The following UNC79 variants were observed in gnomAD, a reference collection of about 807,000 sequenced individuals.
UNC79 encodes the protein protein unc-79 homolog.
UNC79 carries 37 observed loss-of-function variants against 283.1 expected under a neutral mutation model. That is an observed-to-expected ratio of 0.13 (90% confidence interval 0.10 to 0.17). The LOEUF (loss-of-function observed/expected upper bound fraction) is 0.17. Ranked by LOEUF, UNC79 falls within the 10% of genes least tolerant of loss-of-function variation. The pLI, the probability that UNC79 is intolerant of heterozygous loss-of-function variation, is 1.00. For synonymous variants in UNC79, 1,107 were observed against 1,200.2 expected (o/e 0.92, Z 1.61); for missense variants, 2,272 against 3,211.1 (o/e 0.71, Z 7.07).
intron 22 of UNC79, among the ~76,000 whole-genome samples, chr14:93,592,268 G>T (rs1197964488): frequency 6.8e-6 from 1 of 146,364 alleles, no homozygotes; most frequent in Non-Finnish European, 1.5e-5. Flanking sequence ...TCTGCCTCCC[G>T]GGTTCACGCC....
intron 25 of UNC79, among the ~76,000 whole-genome samples, 155 bp downstream of exon 25, chr14:93,600,925 A>T (rs922846606): frequency 2.0e-5 from 3 of 152,212 alleles, no homozygotes; most frequent in Admixed American, 2.0e-4. Flanking sequence ...TAGCTGCTGT[A>T]GTAATCCATA....
At position 93,446,803 on chromosome 14, in the gene UNC79, A is replaced by G. The variant is rs967089477; in HGVS notation, c.22+15752A>G. ...AGAGAATATATTCTGTATGCTTTCA[A>G]TCTTTTGACATTTATTAAGACTTGT... On this transcript the variant is annotated intron_variant, in intron 1 of 48. Coordinates refer to ENST00000555664, the Ensembl canonical transcript of UNC79. 2.6e-5 allele frequency among the ~76,000 whole-genome samples: 4 copies of G among 152,298 alleles called. No individual in the cohort carries two copies. The East Asian group carries it at 5.8e-4, about 22-fold the overall frequency.
At chr14:93,459,727 G>T (rs919473537) in intron 1 of UNC79, among the ~76,000 whole-genome samples, 1 of 116,392 alleles carries the variant, frequency 8.6e-6, no homozygotes, top group Admixed American at 9.0e-5. Flanking sequence ...CTGGACTGCA[G>T]TGGCGCTATC....
chr14:93,415,176 T>A (rs1007304228), intron 1 of UNC79, among the ~76,000 whole-genome samples: 4 of 152,230 alleles, frequency 2.6e-5, no homozygotes, highest in African/African-American at 9.7e-5. Flanking sequence ...TTAGCTCTTA[T>A]TATTTTGAGA....
At chr14:93,643,732 G>T in intron 34 of UNC79, 35 bp downstream of exon 37, 1 of 1,608,982 alleles carries the variant, frequency 6.2e-7, no homozygotes, top group South Asian at 1.1e-5. Flanking sequence ...TGGTAGGAAG[G>T]TCCTTTATTC....
At chr14:93,402,255 T>C (rs530886435) in intron 1 of UNC79, among the ~76,000 whole-genome samples, 1 of 122,950 alleles carries the variant, frequency 8.1e-6, no homozygotes, top group Admixed American at 1.1e-4. Flanking sequence ...CCAGCCTGAG[T>C]GACAGAGTGA....
chr14:93,508,734 C>A (rs1025116128), intron 7 of UNC79, among the ~76,000 whole-genome samples: 1 of 152,018 alleles, frequency 6.6e-6, no homozygotes, highest in African/African-American at 2.4e-5. Flanking sequence ...GATCTTTTAT[C>A]TCATGAGTTT....
intron 1 of UNC79, among the ~76,000 whole-genome samples, chr14:93,357,701 A>ATGGATG (rs1189482814): frequency 7.5e-5 from 9 of 120,422 alleles, no homozygotes; most frequent in African/African-American, 1.9e-4. Flanking sequence ...ATATATATAT[A>ATGGATG]TATATATATA....
chr14:93,575,487 G>A (rs2063422169), intron 17 of UNC79, among the ~76,000 whole-genome samples: 1 of 152,150 alleles, frequency 6.6e-6, no homozygotes, highest in African/African-American at 2.4e-5. Flanking sequence ...GTCTCCTGGT[G>A]AATAAGAATT....
At position 93,531,916 on chromosome 14, in the gene UNC79, T is replaced by C. The variant is rs1476544436; in HGVS notation, c.1094-634T>C. Among the ~76,000 whole-genome samples the C allele has an allele frequency of 6.6e-6, 1 of 152,204 alleles. No homozygotes were observed. Among genetic ancestry groups the C allele is most frequent in the Admixed American group, 6.5e-5 (1 of 15,278 alleles). On this transcript the variant is annotated intron_variant, in intron 10 of 48. Coordinates refer to ENST00000555664, the Ensembl canonical transcript of UNC79. This position sits in a 1 kb window ranked among gnomAD's most constrained non-coding sequence, Gnocchi z 4.2. ...AAATAAGATTAAATTTGTTTGGCTTTAACAAGATTTGATTTCTAAGTCATG... is the reference window on the plus strand; with the variant it reads ...AAATAAGATTAAATTTGTTTGGCTTCAACAAGATTTGATTTCTAAGTCATG...
At chr14:93,515,280 G>A (rs998527440) in intron 7 of UNC79, among the ~76,000 whole-genome samples, 1 of 151,850 alleles carries the variant, frequency 6.6e-6, no homozygotes, top group African/African-American at 2.4e-5. Flanking sequence ...GTGTGTGTGT[G>A]TGTGTGTGTG....
chr14:93,396,684 T>C (rs2055004445), intron 1 of UNC79, among the ~76,000 whole-genome samples: 1 of 152,032 alleles, frequency 6.6e-6, no homozygotes, highest in South Asian at 2.1e-4. Flanking sequence ...CTCTGCTTGG[T>C]TAGCTTAGTG....
At chr14:93,366,456 C>G (rs747869574) in intron 1 of UNC79, among the ~76,000 whole-genome samples, 1 of 151,976 alleles carries the variant, frequency 6.6e-6, no homozygotes, top group Non-Finnish European at 1.5e-5. Context: ...TCAAGTCTTG[C>G]TAAGCTTTTA....
At chr14:93,664,336 G>A (rs1290789282) in intron 40 of UNC79, among the ~76,000 whole-genome samples, 3 of 152,160 alleles carry the variant, frequency 2.0e-5, no homozygotes, top group African/African-American at 7.2e-5. Context: ...TAATAAAGGT[G>A]ATTTTTAATG....
At chr14:93,382,825 A>G (rs1469488790) in intron 1 of UNC79, among the ~76,000 whole-genome samples, 3 of 152,206 alleles carry the variant, frequency 2.0e-5, no homozygotes, top group Non-Finnish European at 4.4e-5. Flanking sequence ...TGCCGCATCA[A>G]TATTAAATAC....
intron 1 of UNC79, among the ~76,000 whole-genome samples, chr14:93,396,173 A>T (rs947629050): frequency 6.8e-6 from 1 of 146,678 alleles, no homozygotes. Flanking sequence ...TTCTGTTGAG[A>T]TTGTCTTGTG....
Position 93,572,863 on chromosome 14 carries a change from T to C in UNC79, c.2070+47T>C, listed in dbSNP as rs766916665. The C allele has an allele frequency of 8.1e-6, 13 of 1,601,352 alleles. No homozygotes were observed. In the Middle Eastern group the frequency reaches 5.1e-4, roughly 63 times the overall value. ...TCATTTTAGGAAATAGTTCTTAGCT[T>C]ATAAGCTTTAGATCCCTGGATCGAG... On this transcript the variant is annotated intron_variant, in intron 16 of 48. Coordinates refer to ENST00000555664, the Ensembl canonical transcript of UNC79.
chr14:93,570,284 C>T (rs112087721), intron 14 of UNC79, among the ~76,000 whole-genome samples: 755 of 152,284 alleles, frequency 5.0e-3, no homozygotes, highest in Non-Finnish European at 8.6e-3. Flanking sequence ...CCTGCCCATC[C>T]AACTGCCCTA....
At chr14:93,556,684 G>A (rs1595858261) in intron 14 of UNC79, among the ~76,000 whole-genome samples, 2 of 146,372 alleles carry the variant, frequency 1.4e-5, no homozygotes, top group African/African-American at 5.0e-5. Context: ...AATTGACTGA[G>A]AAAAAAAAAA....
Sources: gnomAD v4.1 joint callset for allele counts (sites outside exome capture counted in the v4.1 genomes callset) on GRCh38, gnomAD v4.1.1 for gene constraint, Gnocchi (gnomAD v3.1) non-coding constraint, MANE v1.5 for transcripts, NCBI Gene and HGNC (gene_info 2026-07-23, HGNC 2026-07-21) for gene names.